The following PTPRT variants were observed in gnomAD, a reference collection of about 807,000 sequenced individuals.
PTPRT encodes the protein protein tyrosine phosphatase receptor type T.
In PTPRT, 56 loss-of-function variants were observed where a neutral mutation model predicts 176.8. The observed-to-expected ratio is 0.32, with a 90% confidence interval of 0.26 to 0.40. The LOEUF (loss-of-function observed/expected upper bound fraction) is 0.40, where lower values mean the gene tolerates loss of function less well. PTPRT is among the 10% of genes least tolerant of loss of function. PTPRT has a pLI of 1.00. For synonymous variants in PTPRT, 783 were observed against 739.0 expected, an observed-to-expected ratio of 1.06 and a Z score of -0.96; for missense variants, 1,540 against 1,908.2, an observed-to-expected ratio of 0.81 and a Z score of 3.60.
chr20:42,336,791 C>A (rs1487769638), intron 11 of PTPRT, among the ~76,000 whole-genome samples: 15 of 151,964 alleles, frequency 9.9e-5, no homozygotes, highest in Non-Finnish European at 2.1e-4. Flanking sequence ...TTTCATAAAC[C>A]AAGAACATGA....
chr20:42,713,719 G>C (rs1303598827), intron 6 of PTPRT, among the ~76,000 whole-genome samples: 2 of 152,142 alleles, frequency 1.3e-5, no homozygotes, highest in Non-Finnish European at 1.5e-5. Flanking sequence ...TGGATCATGG[G>C]AGCGGATTTC....
intron 1 of PTPRT, among the ~76,000 whole-genome samples, chr20:42,897,289 C>T (rs1296822664): frequency 6.6e-6 from 1 of 152,150 alleles, no homozygotes; most frequent in Admixed American, 6.5e-5. Context: ...ACCAAGAAAA[C>T]AGTGTCTGAT....
chr20:42,350,601 A>G (rs2058268893), intron 11 of PTPRT, 27 bp downstream of exon 11: 1 of 1,539,196 alleles, frequency 6.5e-7, no homozygotes, highest in African/African-American at 1.4e-5. Flanking sequence ...GAAAAACTGC[A>G]GACTCCAAGT....
intron 7 of PTPRT, among the ~76,000 whole-genome samples, chr20:42,493,132 G>A (rs1372830068): frequency 1.3e-5 from 2 of 152,154 alleles, no homozygotes; most frequent in East Asian, 3.8e-4. Context: ...ACTTGGCTAA[G>A]CATTTTGCTG....
At chr20:42,138,542 C>T (rs1472036155) in intron 18 of PTPRT, among the ~76,000 whole-genome samples, 1 of 152,230 alleles carries the variant, frequency 6.6e-6, no homozygotes, top group Non-Finnish European at 1.5e-5. Flanking sequence ...CATTTTGTAA[C>T]ATTTGCAACC....
At chr20:42,446,621 T>TGAGA (rs369315599) in intron 9 of PTPRT, among the ~76,000 whole-genome samples, 289 of 130,152 alleles carry the variant, frequency 2.2e-3, no homozygotes, top group African/African-American at 7.6e-3. Flanking sequence ...TGTGTGTGTG[T>TGAGA]GAGAGAGAGA....
At chr20:42,294,260 G>C (rs190836234) in intron 12 of PTPRT, among the ~76,000 whole-genome samples, 1 of 152,074 alleles carries the variant, frequency 6.6e-6, no homozygotes, top group Non-Finnish European at 1.5e-5. Context: ...ATTCCTGGTA[G>C]ATCAAAACTA....
intron 13 of PTPRT, among the ~76,000 whole-genome samples, chr20:42,259,544 G>C (rs2056710231): frequency 6.6e-6 from 1 of 152,182 alleles, no homozygotes; most frequent in South Asian, 2.1e-4. Context: ...GACCCAGCTG[G>C]GGTAGAGAGA....
At chr20:42,119,101 T>C (rs1987451763) in intron 20 of PTPRT, among the ~76,000 whole-genome samples, 1 of 151,648 alleles carries the variant, frequency 6.6e-6, no homozygotes, top group Admixed American at 6.6e-5. Context: ...AATTACTCTT[T>C]CAATGTCCTG....
At chr20:42,176,083 C>T (rs879901025) in intron 16 of PTPRT, among the ~76,000 whole-genome samples, 4 of 152,072 alleles carry the variant, frequency 2.6e-5, no homozygotes, top group East Asian at 1.9e-4. Context: ...TATCCTTCAC[C>T]GGACTGTAAG....
intron 1 of PTPRT, among the ~76,000 whole-genome samples, chr20:43,110,510 C>G (rs1048249278): frequency 3.3e-5 from 5 of 152,134 alleles, no homozygotes; most frequent in Non-Finnish European, 7.4e-5. Flanking sequence ...TTGGGGAGAA[C>G]AGTAACAGGG....
At chr20:42,800,556 T>C (rs571476340) in intron 2 of PTPRT, among the ~76,000 whole-genome samples, 24 of 152,272 alleles carry the variant, frequency 1.6e-4, no homozygotes, top group Admixed American at 5.2e-4. Flanking sequence ...AACTAAAATA[T>C]ATATATTTTT....
At chr20:42,282,556 A>AT (rs2057158080) in intron 12 of PTPRT, 31 bp from the exon 13 acceptor site, 1 of 1,577,618 alleles carries the variant, frequency 6.3e-7, no homozygotes, top group Non-Finnish European at 8.7e-7. Flanking sequence ...ATGCCAATTA[A>AT]TTAGCTGTGA....
chr20:42,828,631 T>A (rs1409861598), intron 2 of PTPRT, among the ~76,000 whole-genome samples: 1 of 152,148 alleles, frequency 6.6e-6, no homozygotes, highest in East Asian at 1.9e-4. Context: ...GAACTTCGTG[T>A]CCTGAATCCC....
chr20:42,694,903 C>T (rs572313924), intron 6 of PTPRT, among the ~76,000 whole-genome samples: 1 of 152,196 alleles, frequency 6.6e-6, no homozygotes, highest in South Asian at 2.1e-4. Context: ...CTCTCAGGGC[C>T]TGACTAGGAT....
At chr20:42,742,045 A>G (rs577741222) in intron 6 of PTPRT, among the ~76,000 whole-genome samples, 22 of 152,350 alleles carry the variant, frequency 1.4e-4, no homozygotes, top group African/African-American at 5.3e-4. Flanking sequence ...CAGCTCACAG[A>G]GGTGAGTCAT....
At chr20:42,610,176 G>A (rs1431136939) in intron 7 of PTPRT, among the ~76,000 whole-genome samples, 1 of 152,132 alleles carries the variant, frequency 6.6e-6, no homozygotes, top group East Asian at 1.9e-4. Flanking sequence ...AGTGCTCTCT[G>A]TAGAAATGGG....
chr20:42,180,787 CCCAGTATGCCAT>C (rs1990484845), intron 16 of PTPRT, among the ~76,000 whole-genome samples: 1 of 152,152 alleles, frequency 6.6e-6, no homozygotes, highest in South Asian at 2.1e-4. Context: ...ACACCACTGT[CCCAGTATGCCAT>C]CCTCTTACTT....
chr20:42,367,976 A>T (rs1337982813), intron 9 of PTPRT, among the ~76,000 whole-genome samples: 2 of 152,198 alleles, frequency 1.3e-5, no homozygotes, highest in East Asian at 3.9e-4. Flanking sequence ...CCATAGATGC[A>T]GGATGCAGGG....
Sources: allele counts gnomAD v4.1 joint callset (sites outside exome capture counted in the v4.1 genomes callset), GRCh38; gene constraint gnomAD v4.1.1; transcripts MANE v1.5; gene names NCBI Gene and HGNC (gene_info 2026-07-23, HGNC 2026-07-21).